DAPP1: variants seen among roughly 807,000 people sequenced by gnomAD.
The protein encoded by DAPP1 is dual adapter for phosphotyrosine and 3-phosphotyrosine and 3-phosphoinositide.
A neutral mutation model predicts 41.5 loss-of-function variants in DAPP1; 20 were observed. The observed-to-expected ratio is 0.48, with a 90% CI of 0.34 to 0.70. The LOEUF (loss-of-function observed/expected upper bound fraction) is 0.70, where lower values mean the gene tolerates loss of function less well. Ranked by LOEUF, DAPP1 falls within the 30% of genes least tolerant of loss-of-function variation. The pLI, the probability that DAPP1 is intolerant of heterozygous loss-of-function variation, is 0.01. For missense variants in DAPP1, 233 were observed against 333.4 expected (o/e 0.70, Z 2.35); for synonymous variants, 113 against 116.2 (o/e 0.97, Z 0.18).
At chr4:99,842,782 C>G (rs1723536991) in intron 3 of DAPP1, among the ~76,000 whole-genome samples, 1 of 152,148 alleles carries the variant, frequency 6.6e-6, no homozygotes, top group South Asian at 2.1e-4. Flanking sequence ...AGTATTGGCT[C>G]CCAGTGATCA....
intron 3 of DAPP1, among the ~76,000 whole-genome samples, chr4:99,851,566 A>C (rs1327339870): frequency 1.7e-5 from 2 of 121,210 alleles, no homozygotes; most frequent in African/African-American, 3.2e-5. Flanking sequence ...TTTGAGACAG[A>C]GTCTCACTCT....
At chr4:99,858,878 C>T (rs1043059682) in intron 4 of DAPP1, among the ~76,000 whole-genome samples, 2 of 151,566 alleles carry the variant, frequency 1.3e-5, no homozygotes, top group African/African-American at 4.8e-5. Flanking sequence ...TGTCTGTGTT[C>T]ATATGACCTC....
intron 5 of DAPP1, among the ~76,000 whole-genome samples, 169 bp from the exon 6 acceptor site, chr4:99,862,841 T>C (rs1724287043): frequency 6.6e-6 from 1 of 152,154 alleles, no homozygotes; most frequent in Non-Finnish European, 1.5e-5. Context: ...TTTATAGATA[T>C]TTTGAAACTT....
At chr4:99,848,485 T>C (rs1723747164) in intron 3 of DAPP1, among the ~76,000 whole-genome samples, 1 of 151,908 alleles carries the variant, frequency 6.6e-6, no homozygotes, top group Non-Finnish European at 1.5e-5. Context: ...TGCCTCGGCC[T>C]CCCAAAGTGC....
In DAPP1 at chr4:99,868,204, T is replaced by G. The variant is rs752633212; in HGVS notation, c.*19T>G. 1 of 1,609,728 alleles carries G rather than the reference T, an allele frequency of 6.2e-7. No homozygotes were observed. The highest frequency in any genetic ancestry group is 2.2e-5 in the East Asian group (1 of 44,856). Reference sequence around the variant, plus strand: ...TAAATAGATCTTTCTTGCCAAGGAATGCTCTGGCCCAGGAGCAAGGTGGAA... The same window carrying G: ...TAAATAGATCTTTCTTGCCAAGGAAGGCTCTGGCCCAGGAGCAAGGTGGAA... On this transcript the variant is annotated 3_prime_UTR_variant, in exon 9 of 9. Transcript: ENST00000512369.
intron 4 of DAPP1, among the ~76,000 whole-genome samples, chr4:99,856,994 C>T (rs1724065858): frequency 6.6e-6 from 1 of 152,174 alleles, no homozygotes; most frequent in African/African-American, 2.4e-5. Context: ...TATAAGCATA[C>T]TTTAAATATC....
At chr4:99,827,746 G>A (rs1389503490) in intron 1 of DAPP1, among the ~76,000 whole-genome samples, 1 of 152,090 alleles carries the variant, frequency 6.6e-6, no homozygotes, top group East Asian at 1.9e-4. Context: ...TGTTTTGCAG[G>A]TCAGAGTTTA....
intron 1 of DAPP1, among the ~76,000 whole-genome samples, chr4:99,821,848 T>G (rs560410124): frequency 6.6e-6 from 1 of 152,362 alleles, no homozygotes; most frequent in Admixed American, 6.5e-5. Context: ...ATAATATACA[T>G]GCACATGTAC....
chr4:99,858,067 G>T (rs1195478611), intron 4 of DAPP1, among the ~76,000 whole-genome samples: 1 of 152,138 alleles, frequency 6.6e-6, no homozygotes, highest in Non-Finnish European at 1.5e-5. Flanking sequence ...AAGGGCATTT[G>T]CCTGCGTGAC....
Position 99,868,275 on chromosome 4 carries a change from G to A in DAPP1, c.*90G>A, listed in dbSNP as rs1724533694. On this transcript the variant is annotated 3_prime_UTR_variant, in exon 9 of 9. Coordinates refer to ENST00000512369, the MANE Select transcript of DAPP1 (RefSeq NM_014395.3). ...CTGCAGCAGGCTTCAAATGAAAACC[G>A]ACTAAGGATTTTCTTTCAAAAACAA... 3.4e-6 allele frequency: 4 copies of A among 1,182,846 alleles called. No individual in the cohort carries two copies. The highest frequency in any genetic ancestry group is 1.9e-5 in the Admixed American group (1 of 51,348). 73.3% of individuals were successfully genotyped at this position (1,182,846 alleles called of 1,614,324 possible). A position where few individuals can be genotyped will look rare whatever the true frequency, so the allele number is the denominator to read the frequency against.
chr4:99,853,690 G>A (rs567553258), intron 4 of DAPP1, among the ~76,000 whole-genome samples: 26 of 152,118 alleles, frequency 1.7e-4, no homozygotes, highest in Non-Finnish European at 2.9e-4. Flanking sequence ...ATGGTGGCAT[G>A]CACCTGTAGT....
At chr4:99,835,862 T>G (rs1723282022) in intron 2 of DAPP1, 117 bp downstream of exon 2, 4 of 1,324,808 alleles carry the variant, frequency 3.0e-6, no homozygotes, top group Non-Finnish European at 4.1e-6. Context: ...ACCACCAGGT[T>G]AAAGGATTCC....
chr4:99,840,034 C>A (rs1723442653), intron 2 of DAPP1, among the ~76,000 whole-genome samples: 1 of 152,094 alleles, frequency 6.6e-6, no homozygotes, highest in African/African-American at 2.4e-5. Context: ...TGCACTCCAG[C>A]CTGGGGGACA....
At chr4:99,822,566 G>A (rs1158007376) in intron 1 of DAPP1, among the ~76,000 whole-genome samples, 2 of 152,126 alleles carry the variant, frequency 1.3e-5, no homozygotes, top group African/African-American at 4.8e-5. Context: ...AAGGAGTGAT[G>A]GTAGCAAAAT....
chr4:99,869,974 CAA>C lies in DAPP1; in HGVS notation c.*1791_*1792del, dbSNP rs2110173578. The C allele has an allele frequency of 6.6e-6, 1 of 151,972 alleles. No homozygotes were observed. Among genetic ancestry groups the C allele is most frequent in the Non-Finnish European group, 1.5e-5 (1 of 67,932 alleles). 9.4% of individuals were successfully genotyped at this position (151,972 alleles called of 1,614,324 possible). On this transcript the variant is annotated 3_prime_UTR_variant, in exon 9 of 9. Transcript: ENST00000512369. ...ACAAAACAAAAAAAAACAGAAGTTA[CAA>C]ATGAATACTCACGGATATGTATAGT...
chr4:99,864,406 A>G (rs951451851), intron 7 of DAPP1: 1 of 151,940 alleles, frequency 6.6e-6, no homozygotes, highest in Admixed American at 6.6e-5. Flanking sequence ...TATTTGCTTT[A>G]TCCTAGTCTA....
intron 1 of DAPP1, among the ~76,000 whole-genome samples, chr4:99,830,628 T>C (rs1723090381): frequency 6.6e-6 from 1 of 152,220 alleles, no homozygotes; most frequent in Non-Finnish European, 1.5e-5. Flanking sequence ...CATGATATTC[T>C]GATTCTCATA....
intron 1 of DAPP1, among the ~76,000 whole-genome samples, chr4:99,834,220 G>A (rs759984150): frequency 1.5e-4 from 23 of 152,204 alleles, no homozygotes; most frequent in Non-Finnish European, 2.6e-4. Context: ...TCGTATGTTT[G>A]TAGAATCAGG....
intron 4 of DAPP1, among the ~76,000 whole-genome samples, chr4:99,855,491 C>T (rs1340952916): frequency 2.6e-5 from 4 of 152,180 alleles, no homozygotes; most frequent in Admixed American, 2.0e-4. Flanking sequence ...CTCACTCCAG[C>T]TATCAGATGG....
Sources: allele counts gnomAD v4.1 joint callset (sites outside exome capture counted in the v4.1 genomes callset), GRCh38; gene constraint gnomAD v4.1.1; transcripts MANE v1.5; gene names NCBI Gene and HGNC (gene_info 2026-07-23, HGNC 2026-07-21).